Variants in FRMD3 observed in about 807,000 individuals in gnomAD.
FRMD3 encodes the protein FERM domain containing 3.
Under a neutral mutation model 70.2 loss-of-function variants are expected in FRMD3, and 33 were observed. The observed-to-expected ratio is 0.47, with a 90% CI of 0.36 to 0.63. The LOEUF (loss-of-function observed/expected upper bound fraction) is 0.63, where lower values mean the gene tolerates loss of function less well. FRMD3 is among the 20% of genes least tolerant of loss of function. The pLI, the probability that FRMD3 is intolerant of heterozygous loss-of-function variation, is 0.00. For synonymous variants in FRMD3, 279 were observed against 255.9 expected (o/e 1.09, Z -0.86); for missense variants, 632 against 711.4 (o/e 0.89, Z 1.27).
At chr9:83,366,502 G>A (rs1824790206) in intron 3 of FRMD3, among the ~76,000 whole-genome samples, 1 of 152,126 alleles carries the variant, frequency 6.6e-6, no homozygotes, top group East Asian at 1.9e-4. Context: ...GAACCCAGGA[G>A]GCGGAGGTTG....
At chr9:83,259,687 G>T (rs1832896942) in intron 13 of FRMD3, among the ~76,000 whole-genome samples, 1 of 152,114 alleles carries the variant, frequency 6.6e-6, no homozygotes, top group Non-Finnish European at 1.5e-5. Context: ...TTTTTAGGGG[G>T]ACACTGGACC....
intron 2 of FRMD3, among the ~76,000 whole-genome samples, chr9:83,389,054 T>G (rs562975449): frequency 2.0e-5 from 3 of 151,450 alleles, no homozygotes; most frequent in Admixed American, 6.6e-5. Context: ...CAAGCTATTC[T>G]GCCCCACCTC....
At chr9:83,402,364 TG>T (rs1483532693) in intron 1 of FRMD3, among the ~76,000 whole-genome samples, 3 of 151,226 alleles carry the variant, frequency 2.0e-5, no homozygotes, top group African/African-American at 7.3e-5. Context: ...ATAGAACCTC[TG>T]CACACTCTGT....
intron 1 of FRMD3, among the ~76,000 whole-genome samples, chr9:83,530,853 A>G (rs749048538): frequency 3.3e-5 from 5 of 152,022 alleles, no homozygotes; most frequent in Admixed American, 6.6e-5. Flanking sequence ...CCTTCCTCCT[A>G]TCTGATTTTA....
chr9:83,330,737 G>A (rs1319596108), intron 6 of FRMD3, among the ~76,000 whole-genome samples: 3 of 152,324 alleles, frequency 2.0e-5, no homozygotes, highest in Admixed American at 6.5e-5. Context: ...ACAGAGCTGA[G>A]TCACTGCACT....
intron 5 of FRMD3, among the ~76,000 whole-genome samples, chr9:83,336,927 G>T (rs1823599802): frequency 6.6e-6 from 1 of 151,962 alleles, no homozygotes; most frequent in Admixed American, 6.6e-5. Flanking sequence ...ATTCCTTCCT[G>T]GTAAGAGACC....
intron 1 of FRMD3, among the ~76,000 whole-genome samples, chr9:83,504,891 T>C (rs1291630295): frequency 6.6e-6 from 1 of 152,186 alleles, no homozygotes; most frequent in Non-Finnish European, 1.5e-5. Context: ...TAAATATTGA[T>C]AAATGAATGA....
At chr9:83,490,782 TCTCTCTCTCTCTCTCTCACACA>T (rs1212870745) in intron 1 of FRMD3, among the ~76,000 whole-genome samples, 1 of 127,068 alleles carries the variant, frequency 7.9e-6, no homozygotes, top group African/African-American at 3.4e-5. Flanking sequence ...TCTCTCTCTC[TCTCTCTCTCTCTCTCTCACACA>T]CACACACACA....
intron 13 of FRMD3, among the ~76,000 whole-genome samples, chr9:83,251,146 T>C (rs1832401984): frequency 6.6e-6 from 1 of 152,186 alleles, no homozygotes; most frequent in African/African-American, 2.4e-5. Context: ...GGGATGGAGC[T>C]TCCAGTGGAA....
intron 6 of FRMD3, among the ~76,000 whole-genome samples, chr9:83,329,601 A>G (rs897529891): frequency 6.6e-6 from 1 of 152,200 alleles, no homozygotes. Flanking sequence ...TGATTTACAG[A>G]GAATATAACC....
Position 83,321,504 on chromosome 9 carries a change from G to C in FRMD3, c.597-7757C>G, listed in dbSNP as rs566893921. Among the ~76,000 whole-genome samples the C allele has an allele frequency of 7.9e-5, 12 of 152,260 alleles. No homozygotes were observed. The East Asian group carries it at 1.9e-3, about 24-fold the overall frequency. ...ACAGTTTCAAGCATTCCTCTTGGCAGTGATTTCTAGCTTTATTCTGCTGTG... is the reference window on the plus strand; with the variant it reads ...ACAGTTTCAAGCATTCCTCTTGGCACTGATTTCTAGCTTTATTCTGCTGTG... On this transcript the variant is annotated intron_variant, in intron 6 of 13. Transcript: ENST00000304195.
intron 1 of FRMD3, among the ~76,000 whole-genome samples, chr9:83,488,354 G>A (rs569839242): frequency 6.6e-6 from 1 of 152,154 alleles, no homozygotes; most frequent in African/African-American, 2.4e-5. Context: ...TCTGCATTTT[G>A]TCCTGAGATA....
At position 83,245,024 on chromosome 9, in the gene FRMD3, C is replaced by CATTT; in HGVS notation, c.*2890_*2893dup. On this transcript the variant is annotated 3_prime_UTR_variant, in exon 14 of 14. Transcript: ENST00000304195. ...ATATCCACAAATGTACACTCAGTGG[C>CATTT]ATTTATGGAAAATTTAACCCTTTCA... The CATTT allele has an allele frequency of 2.0e-6, 2 of 985,166 alleles. No individual in the cohort carries two copies. Among genetic ancestry groups the CATTT allele is most frequent in the Non-Finnish European group, 2.4e-6 (2 of 829,764 alleles). The allele number at this position is 985,166 out of a possible 1,614,324, so 61.0% of individuals were successfully genotyped here.
chr9:83,245,163 G>GTGTC lies in FRMD3; in HGVS notation c.*2751_*2754dup, dbSNP rs1832032237. ...ATTATGCATGAGGGGCATATATGTT[G>GTGTC]TGTCTATTCAAAGACACACATATAT... On this transcript the variant is annotated 3_prime_UTR_variant, in exon 14 of 14. Transcript: ENST00000304195. 1.0e-6 allele frequency: 1 copy of GTGTC among 984,906 alleles called. No individual in the cohort carries two copies. The highest frequency in any genetic ancestry group is 6.2e-5 in the Admixed American group (1 of 16,260). The allele number at this position is 984,906 out of a possible 1,614,324, so 61.0% of individuals were successfully genotyped here. A position where few individuals can be genotyped will look rare whatever the true frequency, so the allele number is the denominator to read the frequency against.
At chr9:83,494,226 T>C (rs531932840) in intron 1 of FRMD3, among the ~76,000 whole-genome samples, 35 of 152,304 alleles carry the variant, frequency 2.3e-4, no homozygotes, top group Non-Finnish European at 4.9e-4. Context: ...GATGAATGCA[T>C]TTCATCATTC....
At chr9:83,474,392 A>T (rs1337498722) in intron 1 of FRMD3, among the ~76,000 whole-genome samples, 1 of 152,168 alleles carries the variant, frequency 6.6e-6, no homozygotes, top group African/African-American at 2.4e-5. Flanking sequence ...ATAATATTCA[A>T]TTCACTAATT....
the FRMD3 span, among the ~76,000 whole-genome samples, chr9:83,556,780 T>C: frequency 6.6e-6 from 1 of 152,070 alleles, no homozygotes; most frequent in African/African-American, 2.4e-5. Context: ...AGATTCGTTT[T>C]TCAAAATATT....
chr9:83,415,328 T>G (rs973725795), intron 1 of FRMD3, among the ~76,000 whole-genome samples: 1 of 152,164 alleles, frequency 6.6e-6, no homozygotes, highest in East Asian at 1.9e-4. Context: ...ATGGAAGAGA[T>G]CTGGAACACC....
intron 13 of FRMD3, among the ~76,000 whole-genome samples, chr9:83,284,620 A>G (rs1238734749): frequency 2.0e-5 from 3 of 152,172 alleles, no homozygotes; most frequent in Non-Finnish European, 4.4e-5. Flanking sequence ...ACAAACAAAC[A>G]AACAAAACCC....
Sources: allele counts gnomAD v4.1 joint callset (sites outside exome capture counted in the v4.1 genomes callset), GRCh38; gene constraint gnomAD v4.1.1; transcripts MANE v1.5; gene names NCBI Gene and HGNC (gene_info 2026-07-23, HGNC 2026-07-21).